Variants in SLC9C2 observed in about 807,000 individuals in gnomAD.
SLC9C2 encodes solute carrier family 9 member C2 (putative), also known as sodium/hydrogen exchanger 11.
Under a neutral mutation model 140.2 loss-of-function variants are expected in SLC9C2, and 75 were observed. That is an observed-to-expected ratio of 0.53 (90% CI 0.44 to 0.65). The LOEUF is 0.65. SLC9C2 is among the 30% of genes least tolerant of loss of function. The pLI, the probability that SLC9C2 is intolerant of heterozygous loss-of-function variation, is 0.00. For synonymous variants in SLC9C2, 375 were observed against 420.9 expected (o/e 0.89, Z 1.34); for missense variants, 1,074 against 1,331.8 (o/e 0.81, Z 3.01).
intron 13 of SLC9C2, among the ~76,000 whole-genome samples, chr1:173,546,510 G>A (rs1662858323): frequency 6.6e-6 from 1 of 152,206 alleles, no homozygotes. Flanking sequence ...GAACCCAGGA[G>A]GTGGAGGTTG....
At chr1:173,536,770 C>T (rs1558041888) in intron 14 of SLC9C2, among the ~76,000 whole-genome samples, 172 bp downstream of exon 14, 1 of 151,958 alleles carries the variant, frequency 6.6e-6, no homozygotes, top group Non-Finnish European at 1.5e-5. Flanking sequence ...AAATAAAAAG[C>T]AGATGGATAG....
At chr1:173,599,505 G>C (rs533714331) in intron 3 of SLC9C2, among the ~76,000 whole-genome samples, 4 of 149,844 alleles carry the variant, frequency 2.7e-5, no homozygotes, top group African/African-American at 7.3e-5. Flanking sequence ...CTCCTGAGTA[G>C]CTGGGACTAC....
In SLC9C2 at chr1:173,512,221, G is replaced by A. The variant is rs189422542; in HGVS notation, c.2908-2522C>T. Reference sequence around the variant, plus strand: ...ATGGTAGTTTGATGGAAATAGCATTGAATCTATAAATAACTTTGGGCAGTA... The same window carrying A: ...ATGGTAGTTTGATGGAAATAGCATTAAATCTATAAATAACTTTGGGCAGTA... On this transcript the variant is annotated intron_variant, in intron 23 of 27. Transcript: ENST00000367714. 4.0e-4 allele frequency among the ~76,000 whole-genome samples: 61 copies of A among 152,264 alleles called. 1 individual carries two copies. Among genetic ancestry groups the A allele is most frequent in the Admixed American group, 1.2e-3 (19 of 15,296 alleles).
intron 13 of SLC9C2, among the ~76,000 whole-genome samples, chr1:173,539,282 T>A (rs1196497390): frequency 2.6e-5 from 4 of 152,146 alleles, no homozygotes; most frequent in Non-Finnish European, 4.4e-5. Context: ...AATTTGAGAA[T>A]GGAAATATTG....
At chr1:173,570,936 C>T (rs1664805046) in intron 9 of SLC9C2, among the ~76,000 whole-genome samples, 1 of 152,178 alleles carries the variant, frequency 6.6e-6, no homozygotes, top group South Asian at 2.1e-4. Context: ...TGTCAGCAAT[C>T]CATGACTGTT....
At chr1:173,589,090 A>C (rs1020597173) in intron 4 of SLC9C2, among the ~76,000 whole-genome samples, 1 of 152,170 alleles carries the variant, frequency 6.6e-6, no homozygotes, top group Non-Finnish European at 1.5e-5. Context: ...AAAATAAAAT[A>C]AGTGCGGGAG....
Position 173,529,567 on chromosome 1 carries a change from C to A in SLC9C2, c.2313+338G>T, listed in dbSNP as rs549278280. Among the ~76,000 whole-genome samples, 7 of 151,412 alleles carry A rather than the reference C, an allele frequency of 4.6e-5. No homozygotes were observed. In the East Asian group the frequency reaches 7.7e-4, roughly 17 times the overall value. Reference sequence around the variant, plus strand: ...CTTAAGACTTACCCTTTCTTTGAAGCCTTTTTCAAGTCTCAACTCCTGCAT... The same window carrying A: ...CTTAAGACTTACCCTTTCTTTGAAGACTTTTTCAAGTCTCAACTCCTGCAT... On this transcript the variant is annotated intron_variant, in intron 18 of 27. Coordinates refer to ENST00000367714, the MANE Select transcript of SLC9C2 (RefSeq NM_178527.4).
chr1:173,535,784 G>T (rs763601828), intron 15 of SLC9C2, 46 bp downstream of exon 15: 148 of 1,448,688 alleles, frequency 1.0e-4, no homozygotes, highest in Non-Finnish European at 1.2e-4. Context: ...ATGTAGAAAT[G>T]GTAGTATTTT....
At chr1:173,584,015 A>C (rs1446029161) in intron 5 of SLC9C2, among the ~76,000 whole-genome samples, 1 of 152,232 alleles carries the variant, frequency 6.6e-6, no homozygotes, top group East Asian at 1.9e-4. Context: ...TACCCAAGGT[A>C]ATTGAAAATG....
rs1375540320 is a variant in SLC9C2, at chr1:173,548,445, A to T, written c.1405T>A (p.Leu469Met). ...ACTAAGGTCCAGTTAACATTTGTCA[A>T]AATTTTTTCTGTTTTAAATAAAGTT... ...TITLFKTEKI[L>M]TNVNWTLVED... Residue 469 changes from leucine (L) to methionine (M), a missense_variant, in exon 12 of 28, where the codon TTG (leucine) becomes ATG (methionine). Transcript: ENST00000367714. 6.2e-7 allele frequency: 1 copy of T among 1,613,762 alleles called. No homozygotes were observed. The highest frequency in any genetic ancestry group is 8.5e-7 in the Non-Finnish European group (1 of 1,179,772).
chr1:173,579,635 A>G (rs528578303), intron 7 of SLC9C2, among the ~76,000 whole-genome samples: 1 of 152,372 alleles, frequency 6.6e-6, no homozygotes, highest in South Asian at 2.1e-4. Context: ...AATCAGCTTC[A>G]AAGTCTTATG....
chr1:173,561,868 C>T (rs1199504973), intron 9 of SLC9C2, among the ~76,000 whole-genome samples: 1 of 151,732 alleles, frequency 6.6e-6, no homozygotes, highest in Non-Finnish European at 1.5e-5. Flanking sequence ...CACAGACACA[C>T]ACACACACAC....
intron 13 of SLC9C2, among the ~76,000 whole-genome samples, chr1:173,543,857 A>G (rs1159954874): frequency 6.6e-6 from 1 of 152,248 alleles, no homozygotes; most frequent in East Asian, 1.9e-4. Context: ...AATTAATTCA[A>G]GATGGATTAA....
chr1:173,526,783 C>T, intron 18 of SLC9C2, 69 bp from the exon 19 acceptor site: 2 of 1,097,900 alleles, frequency 1.8e-6, no homozygotes, highest in Non-Finnish European at 2.6e-6. Context: ...TTAAGAAAAA[C>T]ATGCATTTCT....
intron 13 of SLC9C2, among the ~76,000 whole-genome samples, chr1:173,544,764 A>T (rs1348556260): frequency 6.6e-6 from 1 of 152,176 alleles, no homozygotes; most frequent in Non-Finnish European, 1.5e-5. Flanking sequence ...AGGACAAAAA[A>T]CCAAACACCA....
At chr1:173,568,557 C>G (rs1173556127) in intron 9 of SLC9C2, among the ~76,000 whole-genome samples, 2 of 152,026 alleles carry the variant, frequency 1.3e-5, no homozygotes, top group Non-Finnish European at 2.9e-5. Context: ...TGATTCCATG[C>G]CTTTGCTATT....
chr1:173,563,654 T>G (rs1210013541), intron 9 of SLC9C2, among the ~76,000 whole-genome samples: 1 of 152,186 alleles, frequency 6.6e-6, no homozygotes, highest in Non-Finnish European at 1.5e-5. Flanking sequence ...AATAATGACA[T>G]CATGCTAAAT....
chr1:173,520,531 A>G (rs569142312), intron 22 of SLC9C2, among the ~76,000 whole-genome samples: 5 of 152,308 alleles, frequency 3.3e-5, no homozygotes, highest in African/African-American at 1.2e-4. Context: ...CTGTTTTGTC[A>G]ATCCCATGCC....
intron 5 of SLC9C2, among the ~76,000 whole-genome samples, chr1:173,586,346 A>C (rs2102233535): frequency 6.6e-6 from 1 of 152,326 alleles, no homozygotes; most frequent in East Asian, 1.9e-4. Context: ...ACAAGCTGGA[A>C]AGGTTGGAGG....
Sources: gnomAD v4.1 joint callset for allele counts (sites outside exome capture counted in the v4.1 genomes callset) on GRCh38, gnomAD v4.1.1 for gene constraint, MANE v1.5 for transcripts, NCBI Gene and HGNC (gene_info 2026-07-23, HGNC 2026-07-21) for gene names.